SLC28A1: variants seen among roughly 807,000 people sequenced by gnomAD.
SLC28A1 encodes the protein sodium/nucleoside cotransporter 1.
SLC28A1 carries 64 observed loss-of-function variants against 74.8 expected under a neutral mutation model. That is an observed-to-expected ratio of 0.86 (90% CI 0.70 to 1.05). The LOEUF (loss-of-function observed/expected upper bound fraction) is 1.05. Ranked by LOEUF, SLC28A1 falls within the 50% of genes least tolerant of loss-of-function variation. The pLI is 0.00. For missense variants in SLC28A1, 828 were observed against 822.8 expected (o/e 1.01, Z -0.08); for synonymous variants, 359 against 335.0 (o/e 1.07, Z -0.78).
intron 15 of SLC28A1, among the ~76,000 whole-genome samples, chr15:84,941,441 G>C (rs921154512): frequency 1.3e-5 from 2 of 151,980 alleles, no homozygotes; most frequent in African/African-American, 4.8e-5. Context: ...TCCTGAACTT[G>C]TGATCTGCCC....
chr15:84,947,913 A>G (rs964889967), downstream of SLC28A1, among the ~76,000 whole-genome samples: 1 of 152,210 alleles, frequency 6.6e-6, no homozygotes, highest in African/African-American at 2.4e-5. Context: ...TGTGGGATAT[A>G]TGGGAGCTCG....
At chr15:84,907,316 T>C (rs1967393724) in intron 8 of SLC28A1, among the ~76,000 whole-genome samples, 1 of 152,148 alleles carries the variant, frequency 6.6e-6, no homozygotes, top group Non-Finnish European at 1.5e-5. Context: ...ATTTATTTGT[T>C]TATTTATTTT....
intron 8 of SLC28A1, among the ~76,000 whole-genome samples, chr15:84,906,419 G>A (rs879939197): frequency 1.3e-5 from 2 of 151,768 alleles, no homozygotes; most frequent in African/African-American, 4.9e-5. Context: ...GGGCTCAAGT[G>A]ATCCTCCCAC....
rs1567157352 is a variant in SLC28A1, at chr15:84,917,547, T to TC, written c.796-977_796-976insC. Among the ~76,000 whole-genome samples the TC allele has an allele frequency of 2.6e-3, 402 of 152,312 alleles. 2 individuals are homozygous for TC. Among genetic ancestry groups the TC allele is most frequent in the African/African-American group, 9.4e-3 (390 of 41,572 alleles). ...CCTCAGCCTCCTGAGTAGCTGGGAC[T>TC]ATAGACATGTGCCATCATGCATGGC... On this transcript the variant is annotated intron_variant, in intron 9 of 18. Coordinates refer to ENST00000394573, the MANE Select transcript of SLC28A1 (RefSeq NM_004213.5).
the SLC28A1 span, chr15:84,975,361 T>A: frequency 7.9e-6 from 3 of 380,774 alleles, no homozygotes; most frequent in East Asian, 2.2e-4. Context: ...AGCCCCAACA[T>A]CTGCGTTCCA....
Position 84,924,233 on chromosome 15 carries a change from C to A in SLC28A1, c.1083+123C>A, listed in dbSNP as rs916315857. ...TTCTCTCTTGGGCCTGCTGTGCTGGCAAGAGGAGTGGCTTCCCCTGAGCCC... is the reference window on the plus strand; with the variant it reads ...TTCTCTCTTGGGCCTGCTGTGCTGGAAAGAGGAGTGGCTTCCCCTGAGCCC... On this transcript the variant is annotated intron_variant, in intron 12 of 18. Transcript: ENST00000394573. The A allele has an allele frequency of 4.9e-6, 6 of 1,214,450 alleles. No homozygotes were observed. The African/African-American group carries it at 7.4e-5, about 15-fold the overall frequency. 75.2% of individuals were successfully genotyped at this position (1,214,450 alleles called of 1,614,324 possible).
intron 12 of SLC28A1, chr15:84,926,571 C>T: frequency 2.2e-6 from 1 of 453,538 alleles, no homozygotes; most frequent in Non-Finnish European, 4.4e-6. Context: ...GATATTCTCA[C>T]AAGTGTTCAA....
intron 4 of SLC28A1, among the ~76,000 whole-genome samples, chr15:84,890,224 T>G (rs1965208457): frequency 6.6e-6 from 1 of 152,228 alleles, no homozygotes; most frequent in South Asian, 2.1e-4. Flanking sequence ...ACTGGGGTAG[T>G]GGGGCCTGTG....
the SLC28A1 span, among the ~76,000 whole-genome samples, chr15:84,968,542 G>T: frequency 6.6e-6 from 1 of 152,194 alleles, no homozygotes; most frequent in African/African-American, 2.4e-5. Flanking sequence ...TGGAAGCCAC[G>T]ATGTCTTTTA....
chr15:84,937,895 T>TC (rs1972133121), intron 15 of SLC28A1, among the ~76,000 whole-genome samples: 1 of 54,548 alleles, frequency 1.8e-5, no homozygotes, highest in Non-Finnish European at 3.2e-5. Context: ...AGACTCTGTC[T>TC]CAAAAAACAA....
intron 15 of SLC28A1, among the ~76,000 whole-genome samples, chr15:84,937,367 C>A (rs1414020753): frequency 6.6e-6 from 1 of 152,172 alleles, no homozygotes; most frequent in Non-Finnish European, 1.5e-5. Context: ...CTTCACGTGG[C>A]TGCAGCAGCT....
intron 9 of SLC28A1, among the ~76,000 whole-genome samples, chr15:84,915,180 C>T (rs983839419): frequency 2.0e-5 from 3 of 152,120 alleles, no homozygotes; most frequent in Non-Finnish European, 4.4e-5. Flanking sequence ...TAGCCCCAGG[C>T]GGGAGGAGGA....
chr15:84,961,331 AT>A, the SLC28A1 span, among the ~76,000 whole-genome samples: 1,419 of 139,190 alleles, frequency 0.01, no homozygotes, highest in Middle Eastern at 0.026. Context: ...GTGAGAGAGA[AT>A]TTTTTTTTTT....
At chr15:84,912,806 G>GCGCGCACACACA (rs764101004) in intron 9 of SLC28A1, among the ~76,000 whole-genome samples, 8 of 112,296 alleles carry the variant, frequency 7.1e-5, no homozygotes, top group South Asian at 2.5e-4. Context: ...TTGCGCGCGC[G>GCGCGCACACACA]CACACACACA....
the SLC28A1 span, chr15:84,975,523 T>G: frequency 2.2e-6 from 1 of 456,192 alleles, no homozygotes; most frequent in Admixed American, 2.3e-5. Flanking sequence ...AAAGTACACC[T>G]GCCGAGTCCC....
chr15:84,898,088 A>G (rs1379318469), intron 6 of SLC28A1, among the ~76,000 whole-genome samples: 1 of 151,858 alleles, frequency 6.6e-6, no homozygotes, highest in African/African-American at 2.4e-5. Context: ...TCATGCTGCA[A>G]TAAACATGGA....
the SLC28A1 span, among the ~76,000 whole-genome samples, chr15:84,958,253 T>A: frequency 1.3e-5 from 2 of 152,216 alleles, no homozygotes; most frequent in Non-Finnish European, 2.9e-5. Context: ...ATGTTCCTTC[T>A]GGAACCCTGT....
chr15:84,958,775 C>CA, the SLC28A1 span, among the ~76,000 whole-genome samples: 1 of 151,952 alleles, frequency 6.6e-6, no homozygotes, highest in Non-Finnish European at 1.5e-5. Flanking sequence ...AGGATGGTCT[C>CA]AAAATTTTTT....
chr15:84,900,236 A>G (rs1471394568), intron 6 of SLC28A1, among the ~76,000 whole-genome samples: 1 of 151,834 alleles, frequency 6.6e-6, no homozygotes, highest in African/African-American at 2.4e-5. Flanking sequence ...TGGCTGAGGG[A>G]CAAGAATTGC....
Sources: gnomAD v4.1 joint callset for allele counts (sites outside exome capture counted in the v4.1 genomes callset) on GRCh38, gnomAD v4.1.1 for gene constraint, MANE v1.5 for transcripts, NCBI Gene and HGNC (gene_info 2026-07-23, HGNC 2026-07-21) for gene names.